The following ANKIB1 variants were observed in gnomAD, a reference collection of about 807,000 sequenced individuals.
ANKIB1 encodes ankyrin repeat and IBR domain-containing protein 1.
ANKIB1 carries 43 observed loss-of-function variants against 122.1 expected under a neutral mutation model. The observed-to-expected ratio is 0.35, with a 90% CI of 0.28 to 0.45. The LOEUF is 0.45. Among genes scored for constraint, ANKIB1 ranks in the 20% least tolerant of loss-of-function variants. The pLI is 1.00. For missense variants in ANKIB1, 992 were observed against 1,329.5 expected, an observed-to-expected ratio of 0.75 and a Z score of 3.95; for synonymous variants, 390 against 442.0, an observed-to-expected ratio of 0.88 and a Z score of 1.48.
At chr7:92,311,253 G>A (rs1304763604) in intron 3 of ANKIB1, among the ~76,000 whole-genome samples, 6 of 152,208 alleles carry the variant, frequency 3.9e-5, no homozygotes, top group Admixed American at 3.3e-4. Context: ...ATTATAGTAT[G>A]GTGGAGGGAG....
intron 1 of ANKIB1, among the ~76,000 whole-genome samples, chr7:92,261,685 TC>T (rs1338688268): frequency 6.6e-6 from 1 of 152,210 alleles, no homozygotes; most frequent in Non-Finnish European, 1.5e-5. Flanking sequence ...AGGGTTTTGT[TC>T]ATTTTAGTAT....
At chr7:92,283,536 A>C (rs1802053005) in intron 1 of ANKIB1, among the ~76,000 whole-genome samples, 1 of 152,134 alleles carries the variant, frequency 6.6e-6, no homozygotes, top group South Asian at 2.1e-4. Context: ...ACATACTTCC[A>C]GTATAAGGTC....
At chr7:92,304,278 C>T (rs1802510863) in intron 2 of ANKIB1, among the ~76,000 whole-genome samples, 1 of 152,120 alleles carries the variant, frequency 6.6e-6, no homozygotes, top group Non-Finnish European at 1.5e-5. Flanking sequence ...AGATATGCTA[C>T]TGTGTCTAAT....
intron 2 of ANKIB1, among the ~76,000 whole-genome samples, chr7:92,297,835 G>A (rs887637786): frequency 5.9e-5 from 9 of 151,988 alleles, no homozygotes; most frequent in Admixed American, 2.0e-4. Context: ...ATTCTACTCA[G>A]TTAGCCTATT....
At chr7:92,355,784 A>G (rs1585123086) in intron 9 of ANKIB1, among the ~76,000 whole-genome samples, 1 of 151,444 alleles carries the variant, frequency 6.6e-6, no homozygotes, top group Non-Finnish European at 1.5e-5. Flanking sequence ...GGGAGGCAGA[A>G]GTTGCAGTGA....
intron 11 of ANKIB1, among the ~76,000 whole-genome samples, chr7:92,378,403 G>T (rs972697929): frequency 6.7e-6 from 1 of 149,342 alleles, no homozygotes; most frequent in East Asian, 2.0e-4. Context: ...TAGGAAAGTT[G>T]ATGTTGTACC....
chr7:92,323,705 A>G (rs572380691), intron 4 of ANKIB1, among the ~76,000 whole-genome samples: 15 of 152,342 alleles, frequency 9.8e-5, no homozygotes, highest in Non-Finnish European at 1.9e-4. Flanking sequence ...ACGTTTATCA[A>G]CTAATGAATG....
chr7:92,308,727 G>A lies in ANKIB1; in HGVS notation c.486+1071G>A, dbSNP rs187190130. On this transcript the variant is annotated intron_variant, in intron 3 of 19. Coordinates refer to ENST00000265742, the MANE Select transcript of ANKIB1 (RefSeq NM_019004.2). ...AGTTAAGGAATCATTATATAGTATC[G>A]TCACTACTATACATACAACAGAATA... Among the ~76,000 whole-genome samples, 273 of 151,960 alleles carry A rather than the reference G, an allele frequency of 1.8e-3. 1 individual carries two copies. Among genetic ancestry groups the A allele is most frequent in the African/African-American group, 5.9e-3 (243 of 41,472 alleles).
chr7:92,395,045 A>G (rs574479907), intron 17 of ANKIB1, among the ~76,000 whole-genome samples: 1 of 152,342 alleles, frequency 6.6e-6, no homozygotes, highest in South Asian at 2.1e-4. Context: ...AGTGTTTATC[A>G]TGGAAAGACA....
At chr7:92,311,724 C>CCCACA (rs1051217140) in intron 3 of ANKIB1, among the ~76,000 whole-genome samples, 2 of 149,994 alleles carry the variant, frequency 1.3e-5, no homozygotes, top group Non-Finnish European at 3.0e-5. Context: ...AGCGCCCCCC[C>CCCACA]CACACACACA....
chr7:92,386,555 A>G lies in ANKIB1; in HGVS notation c.1664A>G (p.His555Arg). Residue 555 changes from histidine to arginine, a missense_variant, in exon 12 of 20, where the codon CAT becomes CGT. His to Arg is a conservative substitution (Grantham distance 29). Around this residue, in one of 4 missense-constraint regions of ANKIB1, gnomAD observed 521 missense variants for 777.7 expected, o/e 0.67. Coordinates refer to ENST00000265742, the MANE Select transcript of ANKIB1 (RefSeq NM_019004.2). The stretch of plus-strand genomic sequence containing the variant: ...ATTTGCCTTGAAGAGTGGAAAAAAC[A>G]TAGTTCGTCCACTGGAGGTTATTAC... ...CWICLEEWKKHSSSTGGYYRC... is the reference protein window; with the variant it reads ...CWICLEEWKKRSSSTGGYYRC... The G allele has an allele frequency of 6.2e-7, 1 of 1,606,284 alleles. No homozygotes were observed. The highest frequency in any genetic ancestry group is 8.5e-7 in the Non-Finnish European group (1 of 1,176,422).
intron 10 of ANKIB1, among the ~76,000 whole-genome samples, chr7:92,369,770 A>G (rs1158998880): frequency 6.6e-6 from 1 of 152,236 alleles, no homozygotes; most frequent in Non-Finnish European, 1.5e-5. Flanking sequence ...AAGAAAATGT[A>G]GGCCTTCTCA....
chr7:92,339,183 A>G (rs1290261766), intron 5 of ANKIB1, among the ~76,000 whole-genome samples: 1 of 149,260 alleles, frequency 6.7e-6, no homozygotes, highest in Non-Finnish European at 1.5e-5. Flanking sequence ...CTGGGACAAC[A>G]GGCACCTGCC....
At position 92,399,911 on chromosome 7, in the gene ANKIB1, T is replaced by C. The variant is rs1251169546; in HGVS notation, c.*962T>C. 6.6e-6 allele frequency: 1 copy of C among 152,216 alleles called. No individual in the cohort carries two copies. The highest frequency in any genetic ancestry group is 1.5e-5 in the Non-Finnish European group (1 of 68,034). The allele number at this position is 152,216 out of a possible 1,614,324, so 9.4% of individuals were successfully genotyped here. A position where few individuals can be genotyped will look rare whatever the true frequency, so the allele number is the denominator to read the frequency against. ...AATTACTGATGGGTGCAATTACTTT[T>C]AATCGTGTTTTATAAAATAGAAAAA... On this transcript the variant is annotated 3_prime_UTR_variant, in exon 20 of 20. Transcript: ENST00000265742.
At chr7:92,251,425 T>G (rs2131871378) in intron 1 of ANKIB1, among the ~76,000 whole-genome samples, 1 of 152,316 alleles carries the variant, frequency 6.6e-6, no homozygotes, top group Admixed American at 6.5e-5. Flanking sequence ...TTTCCTGGCC[T>G]TAGGCAATAG....
intron 4 of ANKIB1, among the ~76,000 whole-genome samples, chr7:92,321,971 T>G (rs1319273064): frequency 6.6e-6 from 1 of 152,106 alleles, no homozygotes; most frequent in African/African-American, 2.4e-5. Context: ...CCTCCCCACC[T>G]TTTTTTAGTG....
intron 10 of ANKIB1, among the ~76,000 whole-genome samples, chr7:92,367,587 C>T (rs1389388840): frequency 1.3e-5 from 2 of 151,834 alleles, no homozygotes; most frequent in East Asian, 1.9e-4. Context: ...CCCAGTTTTC[C>T]GAAGTCTTTG....
chr7:92,393,171 G>T (rs1319911446), intron 17 of ANKIB1, among the ~76,000 whole-genome samples: 1 of 151,888 alleles, frequency 6.6e-6, no homozygotes, highest in East Asian at 1.9e-4. Context: ...TATTATCCAG[G>T]CATGACTGTG....
chr7:92,355,145 G>T (rs1803767908), intron 9 of ANKIB1, among the ~76,000 whole-genome samples: 1 of 152,116 alleles, frequency 6.6e-6, no homozygotes, highest in Admixed American at 6.5e-5. Context: ...AAGCTAGCAT[G>T]GTTTCTCCCC....
Sources: allele counts gnomAD v4.1 joint callset (sites outside exome capture counted in the v4.1 genomes callset), GRCh38; gene constraint gnomAD v4.1.1; regional missense constraint gnomAD v4.1.1; transcripts MANE v1.5; gene names NCBI Gene and HGNC (gene_info 2026-07-23, HGNC 2026-07-21).